The following DISP1 variants were observed in gnomAD, a reference collection of about 807,000 sequenced individuals.
DISP1 encodes the protein dispatched RND transporter family member 1.
DISP1 carries 30 observed loss-of-function variants against 37.3 expected under a neutral mutation model. The ratio of observed to expected loss-of-function variants is 0.80; its 90% CI spans 0.60 to 1.09. DISP1 has a LOEUF of 1.09. DISP1 is among the 50% of genes least tolerant of loss of function. DISP1 has a pLI of 0.00. For missense variants in DISP1, 1,598 were observed against 1,879.5 expected (o/e 0.85, Z 2.77); for synonymous variants, 634 against 690.2 (o/e 0.92, Z 1.28).
At position 223,002,450 on chromosome 1, in the gene DISP1, C is replaced by T. The variant is rs1017493639; in HGVS notation, c.1053C>T (p.Ser351=). The change falls in exon 9 of 9, where the codon AGC becomes AGT. Residue 351 remains serine, a synonymous_variant. Transcript: ENST00000675850. ...CCACTGCTGCCTCCTGCTGCCCCAG[C>T]TGGACACTGGGAAACTACATCGCCA... ...QRTTAASCCP[S]WTLGNYIAIL... is the part of the protein sequence containing the mutation. The T allele has an allele frequency of 3.1e-6, 5 of 1,614,172 alleles. No homozygotes were observed. The highest frequency in any genetic ancestry group is 4.2e-6 in the Non-Finnish European group (5 of 1,180,038).
At chr1:222,824,757 C>CA (rs1685014420) in intron 1 of DISP1, among the ~76,000 whole-genome samples, 1 of 151,762 alleles carries the variant, frequency 6.6e-6, no homozygotes, top group Admixed American at 6.6e-5. Flanking sequence ...GGGCTATTCA[C>CA]ATAAAAATTC....
chr1:222,841,156 T>C (rs1314733193), intron 1 of DISP1, among the ~76,000 whole-genome samples: 3 of 152,212 alleles, frequency 2.0e-5, no homozygotes, highest in Non-Finnish European at 4.4e-5. Context: ...GTACATACCT[T>C]TTTCATCTGT....
chr1:222,927,459 T>C (rs1673151616), intron 1 of DISP1, among the ~76,000 whole-genome samples: 2 of 152,194 alleles, frequency 1.3e-5, no homozygotes, highest in African/African-American at 4.8e-5. Flanking sequence ...ACTAGACTCT[T>C]AGATATATGA....
rs775985014 is a variant in DISP1, at chr1:223,005,188, TCTTCTCTCTGAA to T, written c.3792_3803del (p.Phe1265_Asn1268del). Reference sequence around the variant, plus strand: ...CTTGAACAGCATACCGTGTGTCACTTCTTCTCTCTGAATCAGAGATGTAGCTGCCCAGATGCC... The same window carrying T: ...CTTGAACAGCATACCGTGTGTCACTTTCAGAGATGTAGCTGCCCAGATGCC... On this transcript the variant is annotated inframe_deletion, in exon 9 of 9. Coordinates refer to ENST00000675850, the MANE Select transcript of DISP1 (RefSeq NM_001377229.1). 1 of 1,613,914 alleles carries T rather than the reference TCTTCTCTCTGAA, an allele frequency of 6.2e-7. No homozygotes were observed. The highest frequency in any genetic ancestry group is 1.3e-5 in the African/African-American group (1 of 75,034).
chr1:222,840,303 A>G (rs867050898), intron 1 of DISP1, among the ~76,000 whole-genome samples: 16 of 151,496 alleles, frequency 1.1e-4, no homozygotes, highest in Admixed American at 2.6e-4. Context: ...GTGCAGTGGC[A>G]TGATCTCGGC....
intron 3 of DISP1, among the ~76,000 whole-genome samples, chr1:222,972,263 A>C (rs1677012772): frequency 6.6e-6 from 1 of 152,080 alleles, no homozygotes; most frequent in Admixed American, 6.6e-5. Context: ...TTTGATTCAC[A>C]TATTGATAAG....
intron 2 of DISP1, among the ~76,000 whole-genome samples, chr1:222,938,133 A>G (rs943431196): frequency 6.6e-6 from 1 of 152,066 alleles, no homozygotes; most frequent in African/African-American, 2.4e-5. Context: ...TCAGCCTCCC[A>G]AAGTGCTGGG....
At chr1:222,862,040 A>G (rs1266245301) in intron 1 of DISP1, among the ~76,000 whole-genome samples, 1 of 152,212 alleles carries the variant, frequency 6.6e-6, no homozygotes, top group Non-Finnish European at 1.5e-5. Context: ...CAACCCTTTT[A>G]AGACTGGGAT....
intron 3 of DISP1, among the ~76,000 whole-genome samples, chr1:222,978,032 A>G (rs528799023): frequency 1.5e-4 from 23 of 152,148 alleles, no homozygotes; most frequent in Admixed American, 8.5e-4. Context: ...ATGATTTATA[A>G]TCCTTTGGGT....
At chr1:222,860,956 T>C (rs748401893) in intron 1 of DISP1, among the ~76,000 whole-genome samples, 24 of 152,300 alleles carry the variant, frequency 1.6e-4, no homozygotes, top group Admixed American at 4.6e-4. Context: ...CCCCATTATA[T>C]GCCTTGTAGA....
At chr1:222,914,143 T>C (rs1218903235) in intron 1 of DISP1, among the ~76,000 whole-genome samples, 1 of 152,110 alleles carries the variant, frequency 6.6e-6, no homozygotes, top group Non-Finnish European at 1.5e-5. Flanking sequence ...GGACCAGGAT[T>C]TAAGTTTTTA....
At chr1:222,993,367 G>A (rs1161989818) in intron 7 of DISP1, among the ~76,000 whole-genome samples, 1 of 152,204 alleles carries the variant, frequency 6.6e-6, no homozygotes, top group Admixed American at 6.5e-5. Context: ...ATTGTGGATA[G>A]TATAATTTTT....
intron 1 of DISP1, among the ~76,000 whole-genome samples, chr1:222,917,312 G>A (rs35912520): frequency 0.11 from 17,305 of 152,180 alleles, 1,349 homozygotes; most frequent in Non-Finnish European, 0.16. Context: ...AAACAGGGGC[G>A]AACAGGGACA....
chr1:222,962,177 A>T (rs1676114136), intron 3 of DISP1, among the ~76,000 whole-genome samples: 1 of 152,226 alleles, frequency 6.6e-6, no homozygotes, highest in Non-Finnish European at 1.5e-5. Flanking sequence ...ATGAACTTCC[A>T]TTCACAATTG....
In DISP1 at chr1:222,992,139, C is replaced by T. The variant is rs1428507592; in HGVS notation, c.889+29C>T. 3 of 1,537,766 alleles carry T rather than the reference C, an allele frequency of 2.0e-6. No individual in the cohort carries two copies. The African/African-American group carries it at 4.1e-5, about 21-fold the overall frequency. Reference sequence around the variant, plus strand: ...AGTGACATTGTAGATGAACAAACCACTCAGCAGTTTGCTCGCATTTAAAAT... The same window carrying T: ...AGTGACATTGTAGATGAACAAACCATTCAGCAGTTTGCTCGCATTTAAAAT... On this transcript the variant is annotated intron_variant, in intron 7 of 8. Coordinates refer to ENST00000675850, the MANE Select transcript of DISP1 (RefSeq NM_001377229.1).
Position 222,983,127 on chromosome 1 carries a change from A to T in DISP1, c.539+18A>T. 6.3e-7 allele frequency: 1 copy of T among 1,581,746 alleles called. No homozygotes were observed. The highest frequency in any genetic ancestry group is 8.7e-7 in the Non-Finnish European group (1 of 1,151,954). The stretch of plus-strand genomic sequence containing the variant: ...CCAAAAAGGTAAAGTAATCTGGGTC[A>T]TCTTATTAAATAATAAACTTACCTG... On this transcript the variant is annotated intron_variant, in intron 4 of 8. Transcript: ENST00000675850.
At chr1:222,839,753 T>G (rs1667473375) in intron 1 of DISP1, among the ~76,000 whole-genome samples, 1 of 152,008 alleles carries the variant, frequency 6.6e-6, no homozygotes, top group Non-Finnish European at 1.5e-5. Flanking sequence ...GCCAACATGG[T>G]GAAACCCTGT....
At chr1:222,816,091 AT>A (rs1313629836) in intron 1 of DISP1, among the ~76,000 whole-genome samples, 4 of 148,628 alleles carry the variant, frequency 2.7e-5, no homozygotes, top group Non-Finnish European at 4.5e-5. Context: ...ATATATATAT[AT>A]ATATATATAT....
chr1:222,885,081 G>T (rs1307784256), intron 1 of DISP1, among the ~76,000 whole-genome samples: 1 of 152,072 alleles, frequency 6.6e-6, no homozygotes, highest in Admixed American at 6.5e-5. Flanking sequence ...GCCCGCCTCG[G>T]CCTCCCAAAG....
Sources: gnomAD v4.1 joint callset for allele counts (sites outside exome capture counted in the v4.1 genomes callset) on GRCh38, gnomAD v4.1.1 for gene constraint, MANE v1.5 for transcripts, NCBI Gene and HGNC (gene_info 2026-07-23, HGNC 2026-07-21) for gene names.